The following ADAM12 variants were observed in gnomAD, a reference collection of about 807,000 sequenced individuals.
The protein encoded by ADAM12 is disintegrin and metalloproteinase domain-containing protein 12.
A neutral mutation model predicts 106.4 loss-of-function variants in ADAM12; 70 were observed. That is an observed-to-expected ratio of 0.66 (90% CI 0.54 to 0.80). ADAM12 has a LOEUF of 0.80. Ranked by LOEUF, ADAM12 falls within the 30% of genes least tolerant of loss-of-function variation. The pLI, the probability that ADAM12 is intolerant of heterozygous loss-of-function variation, is 0.00. For missense variants in ADAM12, 1,010 were observed against 1,171.9 expected (o/e 0.86, Z 2.02); for synonymous variants, 420 against 433.5 (o/e 0.97, Z 0.39).
intron 10 of ADAM12, 117 bp downstream of exon 10, chr10:126,098,299 G>C: frequency 1.2e-6 from 1 of 819,308 alleles, no homozygotes; most frequent in Non-Finnish European, 2.0e-6. Context: ...AGTAAAAATA[G>C]AGTTAAATCT....
intron 20 of ADAM12, 26 bp from the exon 21 acceptor site, chr10:126,036,351 GCTATAGCGGGTT>G: frequency 6.4e-7 from 1 of 1,555,982 alleles, no homozygotes; most frequent in South Asian, 1.3e-5. Flanking sequence ...AAAAAGCCAT[GCTATAGCGGGTT>G]TCAAAAATAT....
At chr10:126,387,582 A>G (rs1024396545) in intron 1 of ADAM12, among the ~76,000 whole-genome samples, 37 of 152,200 alleles carry the variant, frequency 2.4e-4, no homozygotes, top group African/African-American at 8.7e-4. Context: ...GGGCTGCCTC[A>G]CCTGCGGGGC....
At chr10:126,348,896 A>G (rs1855251087) in intron 1 of ADAM12, among the ~76,000 whole-genome samples, 1 of 152,230 alleles carries the variant, frequency 6.6e-6, no homozygotes. Context: ...GCTAAGAAAA[A>G]ATTCGTTGTT....
intron 8 of ADAM12, among the ~76,000 whole-genome samples, chr10:126,105,688 C>T (rs1955753319): frequency 6.6e-6 from 1 of 152,232 alleles, no homozygotes; most frequent in Non-Finnish European, 1.5e-5. Flanking sequence ...AAACTCCCCT[C>T]CAGGGGTTCT....
chr10:126,039,029 A>G (rs1278253), intron 19 of ADAM12, among the ~76,000 whole-genome samples: 103,102 of 145,672 alleles, frequency 0.71, 36,748 homozygotes, highest in African/African-American at 0.79. Flanking sequence ...GAGTGATCGC[A>G]ACTCACTGCA....
At chr10:126,100,824 A>G (rs554518346) in intron 9 of ADAM12, among the ~76,000 whole-genome samples, 1 of 152,338 alleles carries the variant, frequency 6.6e-6, no homozygotes, top group South Asian at 2.1e-4. Flanking sequence ...TCCGGGTTCT[A>G]GAAGAAGGAA....
intron 1 of ADAM12, among the ~76,000 whole-genome samples, chr10:126,356,142 A>C (rs1028952566): frequency 1.2e-4 from 18 of 152,312 alleles, no homozygotes; most frequent in African/African-American, 2.6e-4. Context: ...ATTTCTACTG[A>C]AGCACCAGAT....
At chr10:126,036,043 CA>C in intron 21 of ADAM12, 102 bp downstream of exon 21, 1 of 1,051,188 alleles carries the variant, frequency 9.5e-7, no homozygotes, top group Non-Finnish European at 1.2e-6. Flanking sequence ...CTCCATTTTA[CA>C]GAGGCACCGA....
intron 5 of ADAM12, among the ~76,000 whole-genome samples, chr10:126,129,992 T>C (rs1956274840): frequency 6.6e-6 from 1 of 152,204 alleles, no homozygotes; most frequent in Non-Finnish European, 1.5e-5. Flanking sequence ...ATCCTGTGTT[T>C]TTGAAGCAAT....
intron 11 of ADAM12, among the ~76,000 whole-genome samples, chr10:126,075,233 C>A (rs1178997425): frequency 2.0e-5 from 3 of 152,182 alleles, no homozygotes; most frequent in Non-Finnish European, 2.9e-5. Context: ...TTACTCATCC[C>A]ATCCTTTCAT....
chr10:126,108,825 G>C (rs562122623), intron 7 of ADAM12, among the ~76,000 whole-genome samples, 161 bp from the exon 8 acceptor site: 2 of 152,228 alleles, frequency 1.3e-5, no homozygotes, highest in African/African-American at 4.8e-5. Flanking sequence ...TAACTTTCCC[G>C]GCTGGGGACT....
At chr10:126,257,143 C>T (rs1373460846) in intron 3 of ADAM12, among the ~76,000 whole-genome samples, 3 of 152,286 alleles carry the variant, frequency 2.0e-5, no homozygotes, top group East Asian at 3.9e-4. Flanking sequence ...AGCCTGGATT[C>T]CCTTTCACTT....
intron 1 of ADAM12, among the ~76,000 whole-genome samples, chr10:126,372,252 T>C (rs866094761): frequency 3.3e-5 from 5 of 152,106 alleles, no homozygotes; most frequent in Non-Finnish European, 4.4e-5. Flanking sequence ...AGGACAAACC[T>C]CAGCACTGAA....
chr10:126,128,936 C>G (rs576874641), intron 5 of ADAM12, among the ~76,000 whole-genome samples: 13 of 150,436 alleles, frequency 8.6e-5, no homozygotes, highest in Admixed American at 6.0e-4. Flanking sequence ...GTGTGGTGCG[C>G]GTGTGGGAAT....
intron 2 of ADAM12, among the ~76,000 whole-genome samples, chr10:126,293,970 T>C (rs1169119758): frequency 6.6e-6 from 1 of 152,220 alleles, no homozygotes; most frequent in Non-Finnish European, 1.5e-5. Context: ...TCACAAACAC[T>C]GTCTACCCAC....
At chr10:126,221,090 A>G (rs1958082387) in intron 3 of ADAM12, among the ~76,000 whole-genome samples, 1 of 152,270 alleles carries the variant, frequency 6.6e-6, no homozygotes, top group African/African-American at 2.4e-5. Flanking sequence ...AGGTAGATTT[A>G]GAAGAGAAGG....
chr10:126,279,512 G>A (rs982939360), intron 2 of ADAM12, among the ~76,000 whole-genome samples: 3 of 151,416 alleles, frequency 2.0e-5, no homozygotes, highest in African/African-American at 7.3e-5. Context: ...GATCACCTGA[G>A]GTCAGAAGTT....
intron 5 of ADAM12, among the ~76,000 whole-genome samples, chr10:126,121,130 A>AGTAGTATATATAGTAT (rs369707256): frequency 2.6e-5 from 2 of 75,606 alleles, no homozygotes; most frequent in East Asian, 1.0e-3. Flanking sequence ...TAGTATATAT[A>AGTAGTATATATAGTAT]CTATATACTA....
chr10:126,358,226 C>T (rs375143225), intron 1 of ADAM12, among the ~76,000 whole-genome samples: 1 of 148,034 alleles, frequency 6.8e-6, no homozygotes, highest in African/African-American at 2.5e-5. Context: ...CCTTGTTAAA[C>T]ATACATGCAA....
Sources: allele counts gnomAD v4.1 joint callset (sites outside exome capture counted in the v4.1 genomes callset), GRCh38; gene constraint gnomAD v4.1.1; transcripts MANE v1.5; gene names NCBI Gene and HGNC (gene_info 2026-07-23, HGNC 2026-07-21).